The following EIPR1 variants were observed in gnomAD, a reference collection of about 807,000 sequenced individuals.
EIPR1 encodes EARP and GARP complex-interacting protein 1.
Under a neutral mutation model 48.1 loss-of-function variants are expected in EIPR1, and 25 were observed. That is an observed-to-expected ratio of 0.52 (90% confidence interval 0.38 to 0.73). EIPR1 has a LOEUF of 0.73. Ranked by LOEUF, EIPR1 falls within the 30% of genes least tolerant of loss-of-function variation. EIPR1 has a pLI of 0.00. For synonymous variants in EIPR1, 204 were observed against 201.9 expected (o/e 1.01, Z -0.09); for missense variants, 415 against 506.2 (o/e 0.82, Z 1.73).
chr2:3,293,987 A>G (rs969944704), intron 3 of EIPR1, among the ~76,000 whole-genome samples: 4 of 152,212 alleles, frequency 2.6e-5, no homozygotes, highest in African/African-American at 7.2e-5. Context: ...TTTAACAAAT[A>G]TGAACCTAAA....
At chr2:3,266,367 G>A (rs553509073) in intron 3 of EIPR1, among the ~76,000 whole-genome samples, 4 of 152,334 alleles carry the variant, frequency 2.6e-5, no homozygotes, top group African/African-American at 7.2e-5. Flanking sequence ...CTCACTGGGC[G>A]CTCACCTGAT....
intron 4 of EIPR1, among the ~76,000 whole-genome samples, chr2:3,230,107 A>T (rs1001143678): frequency 3.9e-5 from 6 of 152,164 alleles, no homozygotes; most frequent in Admixed American, 6.5e-5. Context: ...TTCTCAGTGT[A>T]CAGGTGTTTC....
intron 4 of EIPR1, among the ~76,000 whole-genome samples, chr2:3,247,540 T>A (rs1269167093): frequency 6.6e-6 from 1 of 152,194 alleles, no homozygotes. Context: ...TGCTCTTACC[T>A]GCAGAGTTCC....
intron 3 of EIPR1, among the ~76,000 whole-genome samples, chr2:3,287,631 G>A (rs71444240): frequency 1.1e-3 from 155 of 143,718 alleles, no homozygotes; most frequent in African/African-American, 3.9e-3. Flanking sequence ...CAGAAAGTTC[G>A]TTCACCACGC....
At chr2:3,202,370 T>C (rs969125902) in intron 5 of EIPR1, among the ~76,000 whole-genome samples, 3 of 152,244 alleles carry the variant, frequency 2.0e-5, no homozygotes, top group African/African-American at 7.2e-5. Flanking sequence ...AAGACCTACT[T>C]ATCAGGTTAA....
Position 3,294,542 on chromosome 2 carries a change from G to C in EIPR1, c.260-37087C>G, listed in dbSNP as rs375594930. ...CTCTGCACACACCCTCCATCCAGCCGATCCTCTCTACACACACCCTCCATC... is the reference window on the plus strand; with the variant it reads ...CTCTGCACACACCCTCCATCCAGCCCATCCTCTCTACACACACCCTCCATC... On this transcript the variant is annotated intron_variant, in intron 3 of 8. Coordinates refer to ENST00000382125, the MANE Select transcript of EIPR1 (RefSeq NM_003310.5). Among the ~76,000 whole-genome samples the C allele has an allele frequency of 8.1e-3, 628 of 77,692 alleles. 8 individuals are homozygous for C. The highest frequency in any genetic ancestry group is 0.031 in the African/African-American group (601 of 19,420). 51.0% of individuals were successfully genotyped at this position (77,692 alleles called of 152,430 possible).
At chr2:3,205,077 A>C (rs1665182937) in intron 5 of EIPR1, among the ~76,000 whole-genome samples, 1 of 152,188 alleles carries the variant, frequency 6.6e-6, no homozygotes, top group African/African-American at 2.4e-5. Context: ...AGAAACAGCA[A>C]GGCTGTGGTG....
At chr2:3,301,061 GGCACT>G (rs1259737370) in intron 3 of EIPR1, 1 of 152,276 alleles carries the variant, frequency 6.6e-6, no homozygotes, top group East Asian at 1.9e-4. Context: ...TTTCTCAGAT[GGCACT>G]GAAGCTGACT....
chr2:3,269,664 A>AATCATCG (rs1558263870), intron 3 of EIPR1, among the ~76,000 whole-genome samples: 17 of 116,022 alleles, frequency 1.5e-4, no homozygotes, highest in South Asian at 5.8e-4. Context: ...CTCAATCATC[A>AATCATCG]CACTCAATCA....
intron 4 of EIPR1, among the ~76,000 whole-genome samples, chr2:3,242,182 C>T (rs2602761): frequency 0.012 from 1,681 of 142,938 alleles, 15 homozygotes; most frequent in African/African-American, 0.017. Flanking sequence ...ACCACAGGCC[C>T]GGCAGCAGCC....
intron 1 of EIPR1, chr2:3,377,292 A>G: frequency 7.2e-6 from 2 of 276,674 alleles, no homozygotes; most frequent in Non-Finnish European, 6.7e-6. Flanking sequence ...AAAATCAAAC[A>G]TTTTTATTTT....
intron 2 of EIPR1, among the ~76,000 whole-genome samples, chr2:3,346,896 C>A (rs953830221): frequency 6.6e-6 from 1 of 152,168 alleles, no homozygotes; most frequent in Non-Finnish European, 1.5e-5. Context: ...TTGTCCCTTT[C>A]GAAATCTCAT....
At chr2:3,269,737 C>T (rs976128011) in intron 3 of EIPR1, among the ~76,000 whole-genome samples, 21 of 152,226 alleles carry the variant, frequency 1.4e-4, no homozygotes, top group African/African-American at 5.1e-4. Context: ...ACTCAATCAT[C>T]GCACTCAGTC....
intron 5 of EIPR1, chr2:3,209,099 A>G: frequency 2.9e-6 from 4 of 1,380,476 alleles, no homozygotes; most frequent in Non-Finnish European, 3.8e-6. Flanking sequence ...TGTTTCTCTC[A>G]CTAAGCACAA....
At chr2:3,300,609 T>C (rs1014640399) in intron 3 of EIPR1, among the ~76,000 whole-genome samples, 34 of 151,712 alleles carry the variant, frequency 2.2e-4, no homozygotes, top group African/African-American at 7.5e-4. Context: ...TTCGCGCTAA[T>C]ACCCTATCAA....
chr2:3,261,877 C>T (rs917942042), intron 3 of EIPR1: 12 of 152,342 alleles, frequency 7.9e-5, no homozygotes, highest in South Asian at 6.2e-4. Flanking sequence ...ACTGCCTCCC[C>T]GTCCCAACCC....
intron 3 of EIPR1, among the ~76,000 whole-genome samples, chr2:3,275,659 A>G (rs1667827119): frequency 6.6e-6 from 1 of 152,192 alleles, no homozygotes; most frequent in East Asian, 1.9e-4. Context: ...GAGACTCCAT[A>G]TCAACATCAG....
At chr2:3,280,700 C>T (rs1281511992) in intron 3 of EIPR1, among the ~76,000 whole-genome samples, 2 of 152,310 alleles carry the variant, frequency 1.3e-5, no homozygotes, top group African/African-American at 4.8e-5. Context: ...CCATGAGAGG[C>T]CACTGGCATG....
intron 4 of EIPR1, among the ~76,000 whole-genome samples, chr2:3,247,023 GA>G (rs1666845590): frequency 5.5e-5 from 1 of 18,048 alleles, no homozygotes; most frequent in African/African-American, 3.3e-4. Flanking sequence ...GAGGGAGGGA[GA>G]GAGCGAGGGA....
Sources: allele counts gnomAD v4.1 joint callset (sites outside exome capture counted in the v4.1 genomes callset), GRCh38; gene constraint gnomAD v4.1.1; transcripts MANE v1.5; gene names NCBI Gene and HGNC (gene_info 2026-07-23, HGNC 2026-07-21).